DMD: variants seen among roughly 807,000 people sequenced by gnomAD.
DMD encodes dystrophin, also known as mutant dystrophin.
DMD carries 63 observed loss-of-function variants against 330.1 expected under a neutral mutation model. The ratio of observed to expected loss-of-function variants is 0.19; its 90% CI spans 0.16 to 0.24. The LOEUF is 0.24. Ranked by LOEUF, DMD falls within the 10% of genes least tolerant of loss-of-function variation. The pLI is 1.00. For synonymous variants in DMD, 1,223 were observed against 959.8 expected (o/e 1.27, Z -5.07); for missense variants, 3,344 against 2,684.1 (o/e 1.25, Z -5.43).
intron 44 of DMD, among the ~76,000 whole-genome samples, chrX:32,022,622 G>A (rs1009229689): frequency 9.0e-6 from 1 of 111,276 alleles, no homozygotes; most frequent in Admixed American, 9.5e-5. Flanking sequence ...GAGAAACGTG[G>A]GTATACACAC....
intron 12 of DMD, among the ~76,000 whole-genome samples, chrX:32,611,064 G>T (rs1281489020): frequency 1.4e-4 from 16 of 110,763 alleles, no homozygotes. Context: ...TAATGTACAT[G>T]TTTCAGGTTT....
In DMD at chrX:32,387,061, A is replaced by G. The variant is rs887159848; in HGVS notation, c.4519-596T>C. Among the ~76,000 whole-genome samples the G allele has an allele frequency of 3.6e-5, 4 of 111,209 alleles. No homozygotes were observed. The East Asian group carries it at 8.4e-4, about 23-fold the overall frequency. ...GTAAGGTCCTTTTCAATGTTAATTA[A>G]ATTACACAACTTTATTTTCTTAAAA... On this transcript the variant is annotated intron_variant, in intron 32 of 78. Transcript: ENST00000357033.
At chrX:31,480,817 C>G (rs1038312344) in intron 57 of DMD, among the ~76,000 whole-genome samples, 1 of 111,179 alleles carries the variant, frequency 9.0e-6, no homozygotes, top group Non-Finnish European at 1.9e-5. Context: ...ACAGCCCTTT[C>G]TATTTAGGAA....
At position 31,616,904 on chromosome X, in the gene DMD, G is replaced by A. The variant is rs1005477515; in HGVS notation, c.8217+10769C>T. 4.5e-5 allele frequency among the ~76,000 whole-genome samples: 5 copies of A among 111,503 alleles called. No homozygotes were observed. In the Admixed American group the frequency reaches 4.8e-4, roughly 11 times the overall value. ...TTGAAAGTGAGGCAAGTAAGTGGGA[G>A]ATTTAGAAATGACTATATGATCTGA... On this transcript the variant is annotated intron_variant, in intron 55 of 78. Transcript: ENST00000357033.
At chrX:31,394,889 G>A (rs1295291894) in intron 60 of DMD, among the ~76,000 whole-genome samples, 2 of 105,252 alleles carry the variant, frequency 1.9e-5, no homozygotes, top group Admixed American at 1.0e-4. Flanking sequence ...GAATAGCTAG[G>A]CCTTAGTTTT....
At chrX:32,802,917 T>C (rs1255203143) in intron 7 of DMD, among the ~76,000 whole-genome samples, 2 of 111,973 alleles carry the variant, frequency 1.8e-5, no homozygotes, top group Non-Finnish European at 3.8e-5. Context: ...ATCAGGGATA[T>C]TGACCTGAAA....
intron 63 of DMD, among the ~76,000 whole-genome samples, chrX:31,249,249 T>C (rs16989482): frequency 0.12 from 13,384 of 111,052 alleles, 814 homozygotes; most frequent in African/African-American, 0.2. Context: ...TAGATATTTA[T>C]GCTCTTTTTT....
At chrX:31,536,015 G>C (rs1266018171) in intron 55 of DMD, among the ~76,000 whole-genome samples, 1 of 111,902 alleles carries the variant, frequency 8.9e-6, no homozygotes, top group East Asian at 2.8e-4. Context: ...GGGTAAAACT[G>C]TTTGCACAGA....
At position 31,627,852 on chromosome X, in the gene DMD, G is replaced by C. The variant is rs863225011; in HGVS notation, c.8038C>G (p.Arg2680Gly). Residue 2680 changes from arginine (R) to glycine (G), a missense_variant, in exon 55 of 79, where the codon CGA (arginine) becomes GGA (glycine). Arg to Gly is a moderately radical substitution (Grantham distance 125). Coordinates refer to ENST00000357033, the MANE Select transcript of DMD (RefSeq NM_004006.3). ...TGAGTTTCTTCCAAAGCAGCCTCTC[G>C]CTCACTCACCCTGCAAAGGACCAAA... Reference protein sequence around the residue: ...WRSIHKRVSEREAALEETHRL... With the variant: ...WRSIHKRVSEGEAALEETHRL... 8.3e-7 allele frequency: 1 copy of C among 1,207,208 alleles called. No individual in the cohort carries two copies. The highest frequency in any genetic ancestry group is 3.0e-5 in the East Asian group (1 of 33,678).
chrX:32,186,147 A>C (rs947215302), intron 44 of DMD, among the ~76,000 whole-genome samples: 1 of 111,119 alleles, frequency 9.0e-6, no homozygotes, highest in East Asian at 2.8e-4. Flanking sequence ...TTAAAAGGTG[A>C]AATCTGACAC....
chrX:32,755,882 T>A (rs1045950392), intron 7 of DMD, among the ~76,000 whole-genome samples: 2 of 111,951 alleles, frequency 1.8e-5, no homozygotes, highest in Non-Finnish European at 3.8e-5. Context: ...ACTGCTCCAC[T>A]GGAGCAAACT....
chrX:32,581,072 C>T (rs779370640), intron 13 of DMD, among the ~76,000 whole-genome samples: 1 of 111,615 alleles, frequency 9.0e-6, no homozygotes, highest in African/African-American at 3.3e-5. Context: ...GTGATCTGCC[C>T]GCCTCGGCCT....
intron 44 of DMD, among the ~76,000 whole-genome samples, chrX:32,055,601 A>T (rs976070567): frequency 1.4e-4 from 16 of 111,677 alleles, no homozygotes; most frequent in Non-Finnish European, 1.9e-5. Flanking sequence ...TATACATTAC[A>T]TATATAAAAA....
chrX:32,786,086 A>AGAGTGT (rs1557029350), intron 7 of DMD, among the ~76,000 whole-genome samples: 1 of 96,548 alleles, frequency 1.0e-5, no homozygotes, highest in African/African-American at 3.9e-5. Flanking sequence ...GAGGAATAAG[A>AGAGTGT]GTGTGTGTGT....
At chrX:33,016,247 A>C (rs929377623) in intron 2 of DMD, among the ~76,000 whole-genome samples, 2 of 111,425 alleles carry the variant, frequency 1.8e-5, no homozygotes, top group African/African-American at 6.5e-5. Flanking sequence ...ACCCATTTAG[A>C]TAAAGTAAAT....
Position 33,190,895 on chromosome X carries a change from TATTATATAATATATA to T in DMD, c.31+20372_31+20386del, listed in dbSNP as rs1223840496. Among the ~76,000 whole-genome samples, 5 of 1,505 alleles carry T rather than the reference TATTATATAATATATA, an allele frequency of 3.3e-3. 1 individual carries two copies. The highest frequency in any genetic ancestry group is 0.034 in the Admixed American group (2 of 59). 1.3% of individuals were successfully genotyped at this position (1,505 alleles called of 115,157 possible). A position where few individuals can be genotyped will look rare whatever the true frequency, so the allele number is the denominator to read the frequency against. ...TATATATATAATATATAATATTATA[TATTATATAATATATA>T]ATATTATATATATAATATTATATAT... On this transcript the variant is annotated intron_variant, in intron 1 of 78. Transcript: ENST00000357033.
At chrX:33,203,872 C>G (rs962221537) in intron 1 of DMD, among the ~76,000 whole-genome samples, 4 of 111,256 alleles carry the variant, frequency 3.6e-5, no homozygotes, top group African/African-American at 1.3e-4. Context: ...CTAATCCTTC[C>G]TGTTGTTCCA....
Position 33,058,475 on chromosome X carries a change from T to TA in DMD, c.32-38276_32-38275insT, listed in dbSNP as rs55920761. 3.2e-3 allele frequency among the ~76,000 whole-genome samples: 327 copies of TA among 103,000 alleles called. 2 individuals are homozygous for TA. Among genetic ancestry groups the TA allele is most frequent in the African/African-American group, 7.9e-3 (219 of 27,649 alleles). The allele number at this position is 103,000 out of a possible 115,157, so 89.4% of individuals were successfully genotyped here. A position where few individuals can be genotyped will look rare whatever the true frequency, so the allele number is the denominator to read the frequency against. The stretch of plus-strand genomic sequence containing the variant: ...AATTTTGATTATTATTATTTTATTT[T>TA]TTTTTTTTGTAGAGATGAGGTCAAA... On this transcript the variant is annotated intron_variant, in intron 1 of 78. Coordinates refer to ENST00000357033, the MANE Select transcript of DMD (RefSeq NM_004006.3).
At chrX:32,389,062 C>T (rs992143128) in intron 32 of DMD, among the ~76,000 whole-genome samples, 1 of 111,356 alleles carries the variant, frequency 9.0e-6, no homozygotes, top group Non-Finnish European at 1.9e-5. Context: ...CTTTGCCATT[C>T]ACCAGCTGTT....
Sources: gnomAD v4.1 joint callset for allele counts (sites outside exome capture counted in the v4.1 genomes callset) on GRCh38, gnomAD v4.1.1 for gene constraint, MANE v1.5 for transcripts, NCBI Gene and HGNC (gene_info 2026-07-23, HGNC 2026-07-21) for gene names.